ATRX: variants seen among roughly 807,000 people sequenced by gnomAD.
ATRX encodes the protein ATRX chromatin remodeler, also known as chromatin remodeler ATRX.
In ATRX, 12 loss-of-function variants were observed where a neutral mutation model predicts 172.6. That is an observed-to-expected ratio of 0.07 (90% CI 0.04 to 0.11). The LOEUF is 0.11. Among genes scored for constraint, ATRX ranks in the 10% least tolerant of loss-of-function variants. The pLI is 1.00. For synonymous variants in ATRX, 674 were observed against 594.7 expected (o/e 1.13, Z -1.94); for missense variants, 1,368 against 1,767.4 (o/e 0.77, Z 4.05).
At chrX:77,666,098 T>C (rs1288930404) in intron 10 of ATRX, among the ~76,000 whole-genome samples, 1 of 111,995 alleles carries the variant, frequency 8.9e-6, no homozygotes, top group Non-Finnish European at 1.9e-5. Flanking sequence ...AAATAGGCAA[T>C]CACTTCCATA....
At chrX:77,667,341 G>A (rs1557126945) in intron 10 of ATRX, among the ~76,000 whole-genome samples, 1 of 92,755 alleles carries the variant, frequency 1.1e-5, no homozygotes, top group Non-Finnish European at 2.2e-5. Flanking sequence ...GTGTGTGTGT[G>A]TATAAAATAT....
chrX:77,726,828 TA>T (rs372578584), intron 1 of ATRX, among the ~76,000 whole-genome samples: 3,002 of 99,229 alleles, frequency 0.03, 55 homozygotes, highest in African/African-American at 0.065. Context: ...TAATGTCACT[TA>T]AAAAAAAAAA....
intron 20 of ATRX, 57 bp downstream of exon 20, chrX:77,620,338 A>G: frequency 8.6e-7 from 1 of 1,166,939 alleles, no homozygotes; most frequent in Admixed American, 2.2e-5. Context: ...TAACGTTACA[A>G]AAATATATCT....
At chrX:77,723,182 C>T (rs1390705002) in intron 1 of ATRX, among the ~76,000 whole-genome samples, 1 of 110,498 alleles carries the variant, frequency 9.0e-6, no homozygotes, top group Admixed American at 9.7e-5. Flanking sequence ...CACACTGGGG[C>T]CTGTTAGGGG....
intron 30 of ATRX, among the ~76,000 whole-genome samples, chrX:77,539,916 C>G (rs1416481093): frequency 3.6e-5 from 4 of 111,405 alleles, no homozygotes; most frequent in Non-Finnish European, 7.5e-5. Context: ...AACTAATGGG[C>G]AAAATAACCA....
At chrX:77,659,771 C>CA (rs1406373924) in intron 12 of ATRX, among the ~76,000 whole-genome samples, 2 of 111,671 alleles carry the variant, frequency 1.8e-5, no homozygotes, top group Non-Finnish European at 3.8e-5. Context: ...TATACCTCTT[C>CA]AATGCATTTC....
At position 77,521,280 on chromosome X, in the gene ATRX, A is replaced by G. The variant is rs955794529; in HGVS notation, c.7071+123T>C. The G allele has an allele frequency of 1.2e-5, 7 of 563,289 alleles. No homozygotes were observed. The African/African-American group carries it at 1.6e-4, about 13-fold the overall frequency. The allele number at this position is 563,289 out of a possible 1,213,427, so 46.4% of individuals were successfully genotyped here. On this transcript the variant is annotated intron_variant, in intron 33 of 34. Transcript: ENST00000373344. ...CGGTTTGGCATTATCCATCCATTTT[A>G]CCAGTATTTTACTATTGCAAATCAA... is the stretch of plus-strand genomic sequence containing the variant.
At chrX:77,555,266 T>C (rs2064729118) in intron 30 of ATRX, among the ~76,000 whole-genome samples, 1 of 111,331 alleles carries the variant, frequency 9.0e-6, no homozygotes, top group Admixed American at 9.6e-5. Context: ...TTGGTGGGAG[T>C]GTTAGTTCAA....
At chrX:77,714,559 C>T (rs1557163612) in intron 2 of ATRX, among the ~76,000 whole-genome samples, 1 of 111,839 alleles carries the variant, frequency 8.9e-6, no homozygotes, top group Non-Finnish European at 1.9e-5. Flanking sequence ...CATAACCAAA[C>T]AACCTAAGTT....
intron 2 of ATRX, among the ~76,000 whole-genome samples, chrX:77,701,148 G>A (rs1046015571): frequency 6.2e-5 from 7 of 112,036 alleles, no homozygotes; most frequent in Admixed American, 9.5e-5. Flanking sequence ...TGTGGAAGCA[G>A]GGACATATGG....
intron 30 of ATRX, among the ~76,000 whole-genome samples, chrX:77,529,695 TA>T (rs1252359857): frequency 9.0e-6 from 1 of 110,543 alleles, no homozygotes; most frequent in Non-Finnish European, 1.9e-5. Flanking sequence ...TATCAGCCAC[TA>T]AAAAAAACAC....
chrX:77,734,699 A>G (rs1243973150), intron 1 of ATRX, among the ~76,000 whole-genome samples: 1 of 111,005 alleles, frequency 9.0e-6, no homozygotes, highest in African/African-American at 3.3e-5. Context: ...AGGCAGGAGA[A>G]TCGCTTGAAC....
chrX:77,740,932 C>T (rs1243494138), intron 1 of ATRX, among the ~76,000 whole-genome samples: 1 of 110,578 alleles, frequency 9.0e-6, no homozygotes, highest in Non-Finnish European at 1.9e-5. Context: ...GCTTGGGGAA[C>T]ATTAGCAAGA....
intron 28 of ATRX, among the ~76,000 whole-genome samples, chrX:77,563,424 C>T (rs2065084815): frequency 8.9e-6 from 1 of 112,169 alleles, no homozygotes; most frequent in Admixed American, 9.5e-5. Context: ...ATAAGGATCA[C>T]CATGCTTTCA....
chrX:77,671,772 C>A (rs1569537608), intron 10 of ATRX, among the ~76,000 whole-genome samples: 1 of 110,244 alleles, frequency 9.1e-6, no homozygotes, highest in Non-Finnish European at 1.9e-5. Context: ...TTCTCTTTTT[C>A]TTTTTTTTCT....
intron 22 of ATRX, chrX:77,615,820 T>C: frequency 3.2e-6 from 1 of 310,274 alleles, no homozygotes; most frequent in Non-Finnish European, 4.2e-6. Flanking sequence ...CCATCCTCCT[T>C]TTTTTTTTGA....
intron 1 of ATRX, among the ~76,000 whole-genome samples, chrX:77,780,636 G>T (rs1157787883): frequency 1.9e-5 from 2 of 107,632 alleles, no homozygotes; most frequent in Non-Finnish European, 3.8e-5. Context: ...CCTGTAAGCA[G>T]AATTTTTTAA....
At chrX:77,557,695 T>C in intron 29 of ATRX, 50 bp from the exon 30 acceptor site, 1 of 1,046,170 alleles carries the variant, frequency 9.6e-7, no homozygotes, top group Non-Finnish European at 1.3e-6. Flanking sequence ...TTTGTAAGCA[T>C]GAAACTTAAT....
intron 17 of ATRX, 123 bp downstream of exon 17, chrX:77,634,471 T>G (rs1156748107): frequency 1.8e-5 from 10 of 561,786 alleles, no homozygotes; most frequent in Non-Finnish European, 3.0e-5. Context: ...TGGAGACAGA[T>G]CTTGTTATTC....
Sources: allele counts gnomAD v4.1 joint callset (sites outside exome capture counted in the v4.1 genomes callset), GRCh38; gene constraint gnomAD v4.1.1; transcripts MANE v1.5; gene names NCBI Gene and HGNC (gene_info 2026-07-23, HGNC 2026-07-21).